Variants in SPTB observed in about 807,000 individuals in gnomAD.
SPTB encodes spectrin beta, erythrocytic, also known as spectrin beta chain, erythrocytic.
A neutral mutation model predicts 256.2 loss-of-function variants in SPTB; 45 were observed. The observed-to-expected ratio is 0.18, with a 90% confidence interval of 0.14 to 0.23. SPTB has a LOEUF of 0.23. SPTB is among the 10% of genes least tolerant of loss of function. The pLI, the probability that SPTB is intolerant of heterozygous loss-of-function variation, is 1.00. For missense variants in SPTB, 2,715 were observed against 3,040.4 expected (o/e 0.89, Z 2.52); for synonymous variants, 1,231 against 1,243.1 (o/e 0.99, Z 0.21).
At chr14:64,765,859 ATGTGTG>A (rs72331445) in intron 32 of SPTB, among the ~76,000 whole-genome samples, 4 of 119,456 alleles carry the variant, frequency 3.3e-5, no homozygotes, top group African/African-American at 9.9e-5. Context: ...GTGCACATGT[ATGTGTG>A]TGTGTGTGTG....
At chr14:64,839,418 A>T (rs1350541427) in intron 1 of SPTB, among the ~76,000 whole-genome samples, 4 of 152,198 alleles carry the variant, frequency 2.6e-5, no homozygotes, top group African/African-American at 9.6e-5. Flanking sequence ...GCCAGGGGTT[A>T]GGATTGTAGG....
Position 64,796,793 on chromosome 14 carries a change from A to G in SPTB, c.1183-78T>C, listed in dbSNP as rs768409320. The G allele has an allele frequency of 1.6e-4, 255 of 1,554,100 alleles. 1 individual carries two copies. Among genetic ancestry groups the G allele is most frequent in the Non-Finnish European group, 2.0e-4 (230 of 1,131,500 alleles). The stretch of plus-strand genomic sequence containing the variant: ...TTGGGGGCTCCACCCCTTTCACCCA[A>G]CACTGAGTGATTTCTGGAATCAAGG... On this transcript the variant is annotated intron_variant, in intron 10 of 35. Transcript: ENST00000644917. This position sits in a 1 kb window ranked among gnomAD's most constrained non-coding sequence, Gnocchi z 4.1.
chr14:64,858,284 C>T (rs541838697), intron 1 of SPTB, among the ~76,000 whole-genome samples: 147 of 152,276 alleles, frequency 9.7e-4, no homozygotes, highest in African/African-American at 3.3e-3. Flanking sequence ...GAGGCTGCTG[C>T]AGCAGCGGTG....
At position 64,791,042 on chromosome 14, in the gene SPTB, T is replaced by C. The variant is rs528831731; in HGVS notation, c.2804+677A>G. On this transcript the variant is annotated intron_variant, in intron 15 of 35. Coordinates refer to ENST00000644917, the MANE Select transcript of SPTB (RefSeq NM_001355436.2). ...AGAGCTCTCAGAAAGCAATTTTCTCTGCCCAAGAATGTCCAGGGAAATATA... is the reference window on the plus strand; with the variant it reads ...AGAGCTCTCAGAAAGCAATTTTCTCCGCCCAAGAATGTCCAGGGAAATATA... Among the ~76,000 whole-genome samples, 18 of 152,328 alleles carry C rather than the reference T, an allele frequency of 1.2e-4. No homozygotes were observed. In the East Asian group the frequency reaches 3.5e-3, roughly 29 times the overall value.
In SPTB at chr14:64,867,619, C is replaced by T. The variant is rs150183338; in HGVS notation, c.-52+12173G>A. Among the ~76,000 whole-genome samples, 348 of 152,136 alleles carry T rather than the reference C, an allele frequency of 2.3e-3. 3 individuals carry two copies. Among genetic ancestry groups the T allele is most frequent in the African/African-American group, 7.8e-3 (325 of 41,500 alleles). On this transcript the variant is annotated intron_variant, in intron 1 of 35. Transcript: ENST00000644917. The stretch of plus-strand genomic sequence containing the variant: ...CTGTAATCCCAGCACTTTGGGAGAC[C>T]GAGGCGGGCACATCACCTGAGGTCA...
intron 33 of SPTB, among the ~76,000 whole-genome samples, chr14:64,752,931 A>C (rs1026006127): frequency 6.6e-6 from 1 of 151,912 alleles, no homozygotes; most frequent in Non-Finnish European, 1.5e-5. Flanking sequence ...AAACCCAAGG[A>C]CATGACTGTT....
rs968242199 is a variant in SPTB at position 64,785,412 on chromosome 14, T to TC, written c.3855+124dup. 2.9e-5 allele frequency: 24 copies of TC among 830,074 alleles called. No homozygotes were observed. Among genetic ancestry groups the TC allele is most frequent in the African/African-American group, 2.0e-4 (12 of 58,712 alleles). 51.4% of individuals were successfully genotyped at this position (830,074 alleles called of 1,614,324 possible). ...AATGACCCAATTAAGTACCCAGAGGTCCCCGCTCATGGAATCCCACAGCTC... is the reference window on the plus strand; with the variant it reads ...AATGACCCAATTAAGTACCCAGAGGTCCCCCGCTCATGGAATCCCACAGCTC... On this transcript the variant is annotated intron_variant, in intron 18 of 35. Coordinates refer to ENST00000644917, the MANE Select transcript of SPTB (RefSeq NM_001355436.2). This position sits in a 1 kb window ranked among gnomAD's most constrained non-coding sequence, Gnocchi z 4.4.
In SPTB at chr14:64,764,298, G is replaced by A. The variant is rs1030896129; in HGVS notation, c.6345+2428C>T. Among the ~76,000 whole-genome samples, 1 of 152,236 alleles carries A rather than the reference G, an allele frequency of 6.6e-6. No individual in the cohort carries two copies. Among genetic ancestry groups the A allele is most frequent in the Non-Finnish European group, 1.5e-5 (1 of 68,042 alleles). ...GCTCTGTCCTCCTCTTTCTTGCATC[G>A]AAGGTGGATGGGGTATTAGGCCCTC... On this transcript the variant is annotated intron_variant, in intron 32 of 35. Coordinates refer to ENST00000644917, the MANE Select transcript of SPTB (RefSeq NM_001355436.2). The surrounding 1 kb of genome is among the most constrained non-coding windows in gnomAD (Gnocchi z 4.2).
Position 64,847,017 on chromosome 14 carries a change from GC to G in SPTB, c.-51-23873del, listed in dbSNP as rs938821121. On this transcript the variant is annotated intron_variant, in intron 1 of 35. Transcript: ENST00000644917. The surrounding 1 kb of genome is among the most constrained non-coding windows in gnomAD (Gnocchi z 5.9). ...CCCACTAAGCTATCAGAAGCCAGTCGCCCACCCATACTGCCTCCATCCTCAT... is the reference window on the plus strand; with the variant it reads ...CCCACTAAGCTATCAGAAGCCAGTCGCCACCCATACTGCCTCCATCCTCAT... Among the ~76,000 whole-genome samples the G allele has an allele frequency of 6.6e-6, 1 of 152,062 alleles. No homozygotes were observed. The highest frequency in any genetic ancestry group is 1.5e-5 in the Non-Finnish European group (1 of 68,008).
chr14:64,769,351 G>A (rs1362454748), intron 28 of SPTB, among the ~76,000 whole-genome samples: 2 of 152,198 alleles, frequency 1.3e-5, no homozygotes, highest in Non-Finnish European at 2.9e-5. Flanking sequence ...TGCACCTGTG[G>A]GTGTTAGGCC....
In SPTB at chr14:64,784,354, C is replaced by G; in HGVS notation, c.3895G>C (p.Asp1299His). 1 of 1,614,242 alleles carries G rather than the reference C, an allele frequency of 6.2e-7. No homozygotes were observed. Among genetic ancestry groups the G allele is most frequent in the Non-Finnish European group, 8.5e-7 (1 of 1,180,046 alleles). Reference protein sequence around the residue: ...WINDKLLTSQDVSYDEARNLH... With the variant: ...WINDKLLTSQHVSYDEARNLH... ...TTTCGTGCTTCATCATAGGAGACAT[C>G]CTGAGATGTCAGCAGCTTGTCGTTG... Residue 1299 changes from aspartate to histidine, a missense_variant, in exon 19 of 36, where the codon GAT (aspartate) becomes CAT (histidine). Around this residue, in one of 4 missense-constraint regions of SPTB, gnomAD observed 2,239 missense variants for 2,384.4 expected, o/e 0.94. Transcript: ENST00000644917.
intron 2 of SPTB, among the ~76,000 whole-genome samples, chr14:64,811,814 A>G (rs1594802987): frequency 6.6e-6 from 1 of 152,348 alleles, no homozygotes; most frequent in East Asian, 1.9e-4. Context: ...GCAAAGATCA[A>G]GAAGTCTGAT....
At chr14:64,811,904 G>A (rs554154760) in intron 2 of SPTB, among the ~76,000 whole-genome samples, 1 of 152,164 alleles carries the variant, frequency 6.6e-6, no homozygotes, top group East Asian at 1.9e-4. Flanking sequence ...CAACCTCTAC[G>A]AAAGGCAATT....
rs1466978924 is a variant in SPTB, at chr14:64,746,498, C to T, written c.*2808G>A. 1.3e-5 allele frequency: 2 copies of T among 152,746 alleles called. No individual in the cohort carries two copies. Among genetic ancestry groups the T allele is most frequent in the Non-Finnish European group, 2.9e-5 (2 of 68,116 alleles). 9.5% of individuals were successfully genotyped at this position (152,746 alleles called of 1,614,324 possible). On this transcript the variant is annotated 3_prime_UTR_variant, in exon 36 of 36. Transcript: ENST00000644917. This position sits in a 1 kb window ranked among gnomAD's most constrained non-coding sequence, Gnocchi z 4.9. The stretch of plus-strand genomic sequence containing the variant: ...CAAGCCACCAAGCCATGTGGTCCCG[C>T]TGGCTTCATCCTCCTCTGGATTCCT...
rs2082039531 is a variant in SPTB, at chr14:64,758,029, C to T, written c.6346-4236G>A. Reference sequence around the variant, plus strand: ...ATTCCATCTGGGGGAAGGGAGAGAACCTTCCTGACTCAGTTAGTGGGAGTG... The same window carrying T: ...ATTCCATCTGGGGGAAGGGAGAGAATCTTCCTGACTCAGTTAGTGGGAGTG... On this transcript the variant is annotated intron_variant, in intron 32 of 35. Coordinates refer to ENST00000644917, the MANE Select transcript of SPTB (RefSeq NM_001355436.2). This position sits in a 1 kb window ranked among gnomAD's most constrained non-coding sequence, Gnocchi z 4.6. Among the ~76,000 whole-genome samples, 3 of 152,206 alleles carry T rather than the reference C, an allele frequency of 2.0e-5. No homozygotes were observed. The highest frequency in any genetic ancestry group is 2.0e-4 in the Admixed American group (3 of 15,286).
Position 64,785,679 on chromosome 14 carries a change from C to A in SPTB, c.3765-52G>T. 6.2e-7 allele frequency: 1 copy of A among 1,613,586 alleles called. No homozygotes were observed. The highest frequency in any genetic ancestry group is 8.5e-7 in the Non-Finnish European group (1 of 1,179,590). ...ACAATAGTGCCGAGCTTGGGGTCCT[C>A]ACCAAGCTTGGGGTCCTCACTACCC... is the stretch of plus-strand genomic sequence containing the variant. On this transcript the variant is annotated intron_variant, in intron 17 of 35. Coordinates refer to ENST00000644917, the MANE Select transcript of SPTB (RefSeq NM_001355436.2). This position sits in a 1 kb window ranked among gnomAD's most constrained non-coding sequence, Gnocchi z 4.4.
rs2139564496 is a variant in SPTB at position 64,786,284 on chromosome 14, G to T, written c.3561+120C>A. 1 of 1,365,834 alleles carries T rather than the reference G, an allele frequency of 7.3e-7. No individual in the cohort carries two copies. The highest frequency in any genetic ancestry group is 1.0e-6 in the Non-Finnish European group (1 of 965,798). 84.6% of individuals were successfully genotyped at this position (1,365,834 alleles called of 1,614,324 possible). ...AGAAACAAAGATTTCCCCCATGAGT[G>T]AATACAGAGTACAAGACAAGAGTAA... On this transcript the variant is annotated intron_variant, in intron 16 of 35. Transcript: ENST00000644917. The surrounding 1 kb of genome is among the most constrained non-coding windows in gnomAD (Gnocchi z 5.6).
rs541063568 is a variant in SPTB at position 64,752,118 on chromosome 14, CAAAA to C, written c.6602+1415_6602+1418del. ...AAACAAAACAAAACAAAACAAAACA[CAAAA>C]AAAGACAAATAGGGCTCATGTCAAC... On this transcript the variant is annotated intron_variant, in intron 33 of 35. Coordinates refer to ENST00000644917, the MANE Select transcript of SPTB (RefSeq NM_001355436.2). 8.8e-4 allele frequency: 1,055 copies of C among 1,204,342 alleles called. 11 individuals carry two copies. In the African/African-American group the frequency reaches 0.016, roughly 19 times the overall value. The allele number at this position is 1,204,342 out of a possible 1,614,324, so 74.6% of individuals were successfully genotyped here.
In SPTB at chr14:64,758,174, G is replaced by C. The variant is rs1328065929; in HGVS notation, c.6346-4381C>G. Among the ~76,000 whole-genome samples the C allele has an allele frequency of 6.6e-6, 1 of 152,214 alleles. No individual in the cohort carries two copies. The highest frequency in any genetic ancestry group is 1.5e-5 in the Non-Finnish European group (1 of 68,036). On this transcript the variant is annotated intron_variant, in intron 32 of 35. Transcript: ENST00000644917. This position sits in a 1 kb window ranked among gnomAD's most constrained non-coding sequence, Gnocchi z 4.6. The stretch of plus-strand genomic sequence containing the variant: ...TCCACCCCTGCCTCCCTGGGGCTTT[G>C]CCGAGCAATTATTGTGGCCAGTGTC...
Sources: gnomAD v4.1 joint callset for allele counts (sites outside exome capture counted in the v4.1 genomes callset) on GRCh38, gnomAD v4.1.1 for gene constraint, gnomAD v4.1.1 regional missense constraint, Gnocchi (gnomAD v3.1) non-coding constraint, MANE v1.5 for transcripts, NCBI Gene and HGNC (gene_info 2026-07-23, HGNC 2026-07-21) for gene names.